MTUS1: variants seen among roughly 807,000 people sequenced by gnomAD.
MTUS1 encodes microtubule-associated tumor suppressor 1.
In MTUS1, 109 loss-of-function variants were observed where a neutral mutation model predicts 120.8. That is an observed-to-expected ratio of 0.90 (90% CI 0.77 to 1.06). MTUS1 has a LOEUF of 1.06. Among genes scored for constraint, MTUS1 ranks in the 50% least tolerant of loss-of-function variants. MTUS1 has a pLI of 0.00. For synonymous variants in MTUS1, 737 were observed against 550.5 expected (o/e 1.34, Z -4.74); for missense variants, 2,210 against 1,486.3 (o/e 1.49, Z -8.01).
chr8:17,767,656 G>A (rs940182103), intron 1 of MTUS1, among the ~76,000 whole-genome samples: 9 of 147,274 alleles, frequency 6.1e-5, no homozygotes, highest in Non-Finnish European at 1.2e-4. Context: ...CCATGATCAC[G>A]CTACTGCACT....
intron 5 of MTUS1, among the ~76,000 whole-genome samples, chr8:17,713,566 T>A (rs926726133): frequency 6.6e-6 from 1 of 152,204 alleles, no homozygotes. Flanking sequence ...CAGTACTGAA[T>A]TCACAGACTG....
chr8:17,796,596 T>G (rs983909572), intron 1 of MTUS1, among the ~76,000 whole-genome samples: 11 of 152,300 alleles, frequency 7.2e-5, no homozygotes, highest in African/African-American at 2.4e-4. Flanking sequence ...TGTATCCACA[T>G]GGCAAAGAGC....
intron 1 of MTUS1, among the ~76,000 whole-genome samples, chr8:17,794,719 C>T (rs2052078994): frequency 6.6e-6 from 1 of 152,060 alleles, no homozygotes; most frequent in Non-Finnish European, 1.5e-5. Flanking sequence ...TAGCAGTTTA[C>T]AGTATAATAA....
chr8:17,750,574 T>C (rs1047204625), intron 2 of MTUS1, among the ~76,000 whole-genome samples: 28 of 152,200 alleles, frequency 1.8e-4, no homozygotes, highest in African/African-American at 6.8e-4. Flanking sequence ...ATCCCAATTT[T>C]ACTATTTACC....
At chr8:17,679,174 G>C (rs7387100) in intron 7 of MTUS1, among the ~76,000 whole-genome samples, 22,258 of 149,902 alleles carry the variant, frequency 0.15, 1,742 homozygotes, top group South Asian at 0.2. Flanking sequence ...ATTTAGAAAA[G>C]GTTAGCAATA....
At chr8:17,696,087 C>T (rs561211548) in intron 6 of MTUS1, among the ~76,000 whole-genome samples, 88 of 152,264 alleles carry the variant, frequency 5.8e-4, no homozygotes, top group African/African-American at 2.0e-3. Flanking sequence ...ATTTTTCCCC[C>T]CTATTAATTT....
chr8:17,782,799 C>T (rs1052798849), intron 1 of MTUS1, among the ~76,000 whole-genome samples: 7 of 151,992 alleles, frequency 4.6e-5, no homozygotes, highest in Admixed American at 2.0e-4. Context: ...GAAACCTGGC[C>T]GGGCATGGTA....
At chr8:17,680,347 C>G (rs921095922) in intron 7 of MTUS1, among the ~76,000 whole-genome samples, 3 of 151,478 alleles carry the variant, frequency 2.0e-5, no homozygotes, top group African/African-American at 7.3e-5. Context: ...ATCCGTAATC[C>G]CAGCTACTCA....
chr8:17,759,859 A>C (rs2048901439), intron 1 of MTUS1, among the ~76,000 whole-genome samples: 1 of 151,788 alleles, frequency 6.6e-6, no homozygotes, highest in African/African-American at 2.4e-5. Flanking sequence ...GAAGCCATCA[A>C]CCATTTAACT....
Position 17,754,744 on chromosome 8 carries a change from G to A in MTUS1, c.1064C>T (p.Pro355Leu). ...LIDDECPLMVPAFDKSEAQVL... is the reference protein window; with the variant it reads ...LIDDECPLMVLAFDKSEAQVL... ...TTGAGCTTCGCTCTTATCAAAAGCTGGCACCATTAAAGGGCATTCATCATC... is the reference window on the plus strand; with the variant it reads ...TTGAGCTTCGCTCTTATCAAAAGCTAGCACCATTAAAGGGCATTCATCATC... Residue 355 changes from proline (P) to leucine (L), a missense_variant, in exon 2 of 15, where the codon CCA (proline) becomes CTA (leucine). Coordinates refer to ENST00000693296, the MANE Select transcript of MTUS1 (RefSeq NM_001363059.2). 1 of 1,614,190 alleles carries A rather than the reference G, an allele frequency of 6.2e-7. No homozygotes were observed. Among genetic ancestry groups the A allele is most frequent in the Non-Finnish European group, 8.5e-7 (1 of 1,180,030 alleles).
At chr8:17,764,983 A>G (rs1208522903) in intron 1 of MTUS1, among the ~76,000 whole-genome samples, 1 of 152,230 alleles carries the variant, frequency 6.6e-6, no homozygotes, top group African/African-American at 2.4e-5. Flanking sequence ...ATAACTCATC[A>G]TAACGTAGAA....
intron 6 of MTUS1, among the ~76,000 whole-genome samples, chr8:17,686,977 T>C (rs1007346322): frequency 1.3e-5 from 2 of 152,222 alleles, no homozygotes; most frequent in African/African-American, 2.4e-5. Context: ...ATTTTTTATA[T>C]AATACTTAGC....
intron 8 of MTUS1, among the ~76,000 whole-genome samples, chr8:17,657,524 C>T (rs1489798512): frequency 1.3e-5 from 2 of 150,308 alleles, no homozygotes; most frequent in African/African-American, 2.4e-5. Context: ...GCCGAGATCC[C>T]GCCACTGCAC....
chr8:17,689,749 T>C (rs1816581300), intron 6 of MTUS1, among the ~76,000 whole-genome samples: 1 of 152,164 alleles, frequency 6.6e-6, no homozygotes, highest in Non-Finnish European at 1.5e-5. Flanking sequence ...TACAGCTAAT[T>C]GATCTTTGAC....
In MTUS1 at chr8:17,743,817, A is replaced by G. The variant is rs771013719; in HGVS notation, c.2092-18T>C. 9 of 1,605,700 alleles carry G rather than the reference A, an allele frequency of 5.6e-6. No individual in the cohort carries two copies. Among genetic ancestry groups the G allele is most frequent in the Admixed American group, 1.7e-5 (1 of 59,114 alleles). Reference sequence around the variant, plus strand: ...GCAGAGCCCTGTGAAAATAACAGTTAAGACTGTAAACCAAAACTAAAATTC... The same window carrying G: ...GCAGAGCCCTGTGAAAATAACAGTTGAGACTGTAAACCAAAACTAAAATTC... On this transcript the variant is annotated intron_variant, in intron 2 of 14. Coordinates refer to ENST00000693296, the MANE Select transcript of MTUS1 (RefSeq NM_001363059.2).
chr8:17,746,092 AT>A (rs2047721128), intron 2 of MTUS1, among the ~76,000 whole-genome samples: 2 of 152,158 alleles, frequency 1.3e-5, no homozygotes, highest in South Asian at 4.1e-4. Flanking sequence ...TCTTTTCTTT[AT>A]AAATTACCCA....
intron 3 of MTUS1, among the ~76,000 whole-genome samples, chr8:17,734,918 TTTTTTC>T (rs2131201963): frequency 6.6e-6 from 1 of 152,156 alleles, no homozygotes; most frequent in East Asian, 1.9e-4. Flanking sequence ...CAACTTTTTT[TTTTTTC>T]TTTTCTTTTC....
chr8:17,754,505 G>C lies in MTUS1; in HGVS notation c.1303C>G (p.Pro435Ala), dbSNP rs778273001. Residue 435 changes from proline (P) to alanine (A), a missense_variant, in exon 2 of 15, where the codon CCC becomes GCC. By Grantham distance (27) the Pro-to-Ala change is conservative. Transcript: ENST00000693296. The stretch of plus-strand genomic sequence containing the variant: ...GAAACAGAAAAGGTTACTTTTGTGG[G>C]TTCTAGGACTGGTGTTGACATGCAC... ...TMCMSTPVLE[P>A]TKVTFSVSPI... 1.2e-6 allele frequency: 2 copies of C among 1,614,156 alleles called. No individual in the cohort carries two copies. The highest frequency in any genetic ancestry group is 2.2e-5 in the South Asian group (2 of 91,074).
intron 1 of MTUS1, among the ~76,000 whole-genome samples, chr8:17,757,473 T>C (rs2048712549): frequency 6.6e-6 from 1 of 152,180 alleles, no homozygotes. Flanking sequence ...CACTTAAAAA[T>C]GAAACCATTA....
Sources: gnomAD v4.1 joint callset for allele counts (sites outside exome capture counted in the v4.1 genomes callset) on GRCh38, gnomAD v4.1.1 for gene constraint, MANE v1.5 for transcripts, NCBI Gene and HGNC (gene_info 2026-07-23, HGNC 2026-07-21) for gene names.